IL1RAPL2: variants seen among roughly 807,000 people sequenced by gnomAD.
The protein encoded by IL1RAPL2 is interleukin 1 receptor accessory protein like 2.
A neutral mutation model predicts 44.1 loss-of-function variants in IL1RAPL2; 3 were observed. That is an observed-to-expected ratio of 0.07 (90% CI 0.03 to 0.18). The LOEUF (loss-of-function observed/expected upper bound fraction) is 0.18. Ranked by LOEUF, IL1RAPL2 falls within the 10% of genes least tolerant of loss-of-function variation. IL1RAPL2 has a pLI of 1.00. For missense variants in IL1RAPL2, 391 were observed against 496.4 expected (o/e 0.79, Z 2.02); for synonymous variants, 181 against 178.8 (o/e 1.01, Z -0.10).
chrX:105,183,801 G>A (rs188696834), intron 2 of IL1RAPL2, among the ~76,000 whole-genome samples: 1 of 111,601 alleles, frequency 9.0e-6, no homozygotes, highest in Non-Finnish European at 1.9e-5. Context: ...CCAGGTGAAT[G>A]CAGCTGGATG....
chrX:104,632,127 G>A (rs1363831031), intron 1 of IL1RAPL2, among the ~76,000 whole-genome samples: 1 of 111,104 alleles, frequency 9.0e-6, no homozygotes, highest in Non-Finnish European at 1.9e-5. Flanking sequence ...GTTTTTGTCA[G>A]GTTTGTCAAA....
intron 9 of IL1RAPL2, 54 bp from the exon 10 acceptor site, chrX:105,755,123 C>A: frequency 1.2e-6 from 1 of 833,343 alleles, no homozygotes; most frequent in Non-Finnish European, 1.7e-6. Flanking sequence ...CCTCTTAGTA[C>A]TCAAAGAGAA....
At chrX:104,918,491 A>G (rs1924531337) in intron 2 of IL1RAPL2, among the ~76,000 whole-genome samples, 1 of 112,287 alleles carries the variant, frequency 8.9e-6, no homozygotes, top group Admixed American at 9.4e-5. Context: ...TTACATTAAC[A>G]CACTATATTT....
At chrX:104,571,106 T>C (rs1361501971) in intron 1 of IL1RAPL2, among the ~76,000 whole-genome samples, 3 of 111,377 alleles carry the variant, frequency 2.7e-5, no homozygotes, top group Non-Finnish European at 5.6e-5. Flanking sequence ...GAATAGGTTT[T>C]CTCCTTTGCA....
chrX:105,096,684 G>A (rs1043336269), intron 2 of IL1RAPL2, among the ~76,000 whole-genome samples: 1 of 111,518 alleles, frequency 9.0e-6, no homozygotes, highest in East Asian at 2.8e-4. Context: ...GCCAGAGGCT[G>A]GGAGAAAGGG....
rs749768528 is a variant in IL1RAPL2, at chrX:105,558,881, G to T, written c.772+74494G>T. On this transcript the variant is annotated intron_variant, in intron 6 of 10. Transcript: ENST00000372582. ...AAATAATCACACAAAATAGATTTGG[G>T]AAGTTTGTGTTTTAATTAAATCTGT... Among the ~76,000 whole-genome samples, 4 of 111,591 alleles carry T rather than the reference G, an allele frequency of 3.6e-5. No individual in the cohort carries two copies. In the South Asian group the frequency reaches 1.5e-3, roughly 42 times the overall value.
chrX:105,471,592 T>C (rs1325058174), intron 5 of IL1RAPL2, among the ~76,000 whole-genome samples: 1 of 109,239 alleles, frequency 9.2e-6, no homozygotes, highest in Non-Finnish European at 1.9e-5. Flanking sequence ...TTTTTTTTTT[T>C]CTCCCAAGCT....
chrX:105,448,902 A>G (rs2147760581), intron 5 of IL1RAPL2, among the ~76,000 whole-genome samples: 1 of 110,991 alleles, frequency 9.0e-6, no homozygotes, highest in East Asian at 2.8e-4. Flanking sequence ...TTAAAAAATT[A>G]TTTCAATTTC....
chrX:105,206,559 C>T (rs782356204), intron 3 of IL1RAPL2, among the ~76,000 whole-genome samples: 13 of 111,974 alleles, frequency 1.2e-4, no homozygotes, highest in Non-Finnish European at 2.3e-4. Flanking sequence ...TACATTAATT[C>T]TTGCCTATAT....
intron 2 of IL1RAPL2, among the ~76,000 whole-genome samples, chrX:104,865,296 T>C (rs146267219): frequency 0.054 from 6,076 of 112,035 alleles, 430 homozygotes; most frequent in African/African-American, 0.19. Flanking sequence ...ATTTAAGTGT[T>C]ATTAACTTTA....
At chrX:105,381,367 C>G (rs1019478633) in intron 5 of IL1RAPL2, among the ~76,000 whole-genome samples, 1 of 111,682 alleles carries the variant, frequency 9.0e-6, no homozygotes, top group East Asian at 2.8e-4. Flanking sequence ...CACTCTCTTC[C>G]TCTCGTATCT....
intron 5 of IL1RAPL2, among the ~76,000 whole-genome samples, chrX:105,453,660 C>A (rs1028735151): frequency 9.0e-6 from 1 of 111,542 alleles, no homozygotes; most frequent in Non-Finnish European, 1.9e-5. Context: ...ATAATAAGTG[C>A]CTTTTCATCT....
intron 2 of IL1RAPL2, among the ~76,000 whole-genome samples, chrX:105,174,616 C>A (rs1198833332): frequency 1.8e-5 from 2 of 111,374 alleles, no homozygotes; most frequent in African/African-American, 6.5e-5. Context: ...AAGCTAAGAG[C>A]CATATTGAAT....
chrX:105,382,898 T>A (rs1217681003), intron 5 of IL1RAPL2, among the ~76,000 whole-genome samples: 1 of 97,236 alleles, frequency 1.0e-5, no homozygotes, highest in Non-Finnish European at 2.0e-5. Flanking sequence ...ATGTTCTCAC[T>A]CATAGGTGGG....
intron 2 of IL1RAPL2, among the ~76,000 whole-genome samples, chrX:105,001,009 C>T (rs1259008128): frequency 9.0e-6 from 1 of 111,485 alleles, no homozygotes; most frequent in Admixed American, 9.6e-5. Flanking sequence ...CACTGGAGTC[C>T]TTAGCCTTGC....
chrX:105,690,010 T>C (rs2038021913), intron 6 of IL1RAPL2, among the ~76,000 whole-genome samples: 1 of 110,887 alleles, frequency 9.0e-6, no homozygotes, highest in African/African-American at 3.3e-5. Context: ...TAGGTGGGAA[T>C]TGAACAATGA....
chrX:105,655,856 G>A (rs918407802), intron 6 of IL1RAPL2, among the ~76,000 whole-genome samples: 1 of 111,713 alleles, frequency 9.0e-6, no homozygotes, highest in Non-Finnish European at 1.9e-5. Context: ...TAGGAGGTAT[G>A]TATATTTATG....
chrX:105,662,340 A>C (rs750683972), intron 6 of IL1RAPL2, among the ~76,000 whole-genome samples: 1 of 111,900 alleles, frequency 8.9e-6, no homozygotes, highest in African/African-American at 3.2e-5. Flanking sequence ...AACTCTCAGA[A>C]TCTCCCTTTG....
intron 2 of IL1RAPL2, among the ~76,000 whole-genome samples, chrX:104,742,579 C>G (rs1932114931): frequency 9.0e-6 from 1 of 111,522 alleles, no homozygotes; most frequent in Non-Finnish European, 1.9e-5. Flanking sequence ...GGTGTCTGTA[C>G]AGTGCCAAGT....
Sources: allele counts gnomAD v4.1 joint callset (sites outside exome capture counted in the v4.1 genomes callset), GRCh38; gene constraint gnomAD v4.1.1; transcripts MANE v1.5; gene names NCBI Gene and HGNC (gene_info 2026-07-23, HGNC 2026-07-21).